FBXO4: variants seen among roughly 807,000 people sequenced by gnomAD.
FBXO4 encodes F-box protein 4.
FBXO4 carries 36 observed loss-of-function variants against 43.7 expected under a neutral mutation model. The observed-to-expected ratio is 0.82, with a 90% CI of 0.63 to 1.09. The LOEUF (loss-of-function observed/expected upper bound fraction) is 1.09, where lower values mean the gene tolerates loss of function less well. Among genes scored for constraint, FBXO4 ranks in the 50% least tolerant of loss-of-function variants. The probability of loss-of-function intolerance (pLI) is 0.00; values close to 1 mark genes in which losing one functional copy is unlikely to be tolerated. For missense variants in FBXO4, 435 were observed against 474.1 expected (o/e 0.92, Z 0.77); for synonymous variants, 180 against 165.6 (o/e 1.09, Z -0.67).
At chr5:42,012,886 C>T in the FBXO4 span, among the ~76,000 whole-genome samples, 1 of 152,280 alleles carries the variant, frequency 6.6e-6, no homozygotes, top group Non-Finnish European at 1.5e-5. Flanking sequence ...CAAAGCAGCA[C>T]TCAGTAACGT....
intron 5 of FBXO4, 123 bp downstream of exon 5, chr5:41,934,431 T>C: frequency 2.6e-6 from 4 of 1,514,278 alleles, no homozygotes; most frequent in South Asian, 2.5e-5. Context: ...TGTGATTTTC[T>C]GACCCTTACT....
At chr5:42,002,267 G>T in the FBXO4 span, among the ~76,000 whole-genome samples, 4 of 152,188 alleles carry the variant, frequency 2.6e-5, no homozygotes, top group Non-Finnish European at 5.9e-5. Context: ...TTCCCAGAGG[G>T]TCGTTGTGCA....
At chr5:42,029,864 G>T in the FBXO4 span, among the ~76,000 whole-genome samples, 1 of 151,760 alleles carries the variant, frequency 6.6e-6, no homozygotes, top group Non-Finnish European at 1.5e-5. Flanking sequence ...TTCCTTCTCT[G>T]TGTTATCTTG....
rs2231916 is a variant in FBXO4 at position 41,925,329 on chromosome 5, G to C, written c.20G>C (p.Arg7Pro). The change falls in exon 1 of 7, where the codon CGC becomes CCC. Residue 7 changes from arginine (R) to proline (P), a missense_variant. Arg to Pro is a moderately radical substitution (Grantham distance 103). Transcript: ENST00000281623. Reference protein sequence around the residue: MAGSEPRSGTNSPPPPF... With the variant: MAGSEPPSGTNSPPPPF... The stretch of plus-strand genomic sequence containing the variant: ...CAAGCCATGGCGGGAAGCGAGCCGC[G>C]CAGCGGAACAAACTCGCCGCCGCCG... The C allele has an allele frequency of 7.4e-6, 10 of 1,346,696 alleles. No individual in the cohort carries two copies. The highest frequency in any genetic ancestry group is 8.1e-5 in the Admixed American group (2 of 24,806). 83.4% of individuals were successfully genotyped at this position (1,346,696 alleles called of 1,614,324 possible).
the FBXO4 span, among the ~76,000 whole-genome samples, chr5:42,016,846 C>A: frequency 2.6e-5 from 4 of 151,934 alleles, no homozygotes; most frequent in East Asian, 7.7e-4. Flanking sequence ...TCAATTTTAT[C>A]CACCAGTGGG....
the FBXO4 span, among the ~76,000 whole-genome samples, chr5:42,025,162 C>G: frequency 6.6e-6 from 1 of 151,902 alleles, no homozygotes; most frequent in East Asian, 1.9e-4. Context: ...TACTAATTTA[C>G]ATTCCTGCTA....
At chr5:41,944,429 G>A (rs925374889), downstream of FBXO4, among the ~76,000 whole-genome samples, 2 of 152,132 alleles carry the variant, frequency 1.3e-5, no homozygotes, top group Admixed American at 1.3e-4. Context: ...TAGCCTGATA[G>A]CACTATAGAA....
the FBXO4 span, among the ~76,000 whole-genome samples, chr5:42,037,956 G>A: frequency 3.9e-5 from 6 of 152,138 alleles, no homozygotes; most frequent in African/African-American, 1.4e-4. Flanking sequence ...CAGTCTTGGT[G>A]TGTTGGTATG....
chr5:41,941,477 C>T lies in FBXO4; in HGVS notation c.*196C>T, dbSNP rs1579989070. On this transcript the variant is annotated 3_prime_UTR_variant, in exon 7 of 7. Transcript: ENST00000281623. The stretch of plus-strand genomic sequence containing the variant: ...CAATTACAAGAAAAGAGTTTCAGTC[C>T]TAGTATTTAGCCCCAAAATGAACCT... 5.5e-6 allele frequency: 2 copies of T among 361,004 alleles called. No homozygotes were observed. Among genetic ancestry groups the T allele is most frequent in the Non-Finnish European group, 1.0e-5 (2 of 197,468 alleles). 22.4% of individuals were successfully genotyped at this position (361,004 alleles called of 1,614,324 possible). A position where few individuals can be genotyped will look rare whatever the true frequency, so the allele number is the denominator to read the frequency against.
the FBXO4 span, among the ~76,000 whole-genome samples, chr5:41,962,457 T>A: frequency 6.6e-6 from 1 of 152,150 alleles, no homozygotes; most frequent in Admixed American, 6.5e-5. Context: ...ACTCCAGCAA[T>A]CCCCCTACAC....
intron 6 of FBXO4, among the ~76,000 whole-genome samples, chr5:41,939,860 T>G (rs1181737501): frequency 7.0e-6 from 1 of 143,466 alleles, no homozygotes; most frequent in East Asian, 2.0e-4. Context: ...TTTTTTTTTT[T>G]TTTTGTTGAG....
the FBXO4 span, among the ~76,000 whole-genome samples, chr5:42,030,402 A>G: frequency 6.6e-6 from 1 of 152,078 alleles, no homozygotes; most frequent in Admixed American, 6.6e-5. Context: ...CTGGCTAGCC[A>G]TATGTAGAAA....
chr5:42,040,042 A>G, the FBXO4 span, among the ~76,000 whole-genome samples: 1 of 152,102 alleles, frequency 6.6e-6, no homozygotes, highest in Non-Finnish European at 1.5e-5. Context: ...GCAGCTTTGT[A>G]AGATCCTGAG....
the FBXO4 span, chr5:41,951,788 T>C: frequency 4.9e-6 from 1 of 205,600 alleles, no homozygotes; most frequent in South Asian, 8.5e-5. Context: ...ATAACATGCC[T>C]CTATGAGAGG....
the FBXO4 span, among the ~76,000 whole-genome samples, chr5:41,995,812 C>A: frequency 2.9e-4 from 44 of 152,310 alleles, 1 homozygote; most frequent in African/African-American, 8.9e-4. Flanking sequence ...CCAGCCAAAC[C>A]ATTCTCTACA....
the FBXO4 span, among the ~76,000 whole-genome samples, chr5:41,966,136 AG>A: frequency 9.2e-5 from 14 of 152,064 alleles, no homozygotes; most frequent in African/African-American, 3.1e-4. Flanking sequence ...ATCACACACC[AG>A]GGCCTGTTGT....
the FBXO4 span, among the ~76,000 whole-genome samples, chr5:41,963,233 T>C: frequency 1.1e-4 from 16 of 151,780 alleles, no homozygotes; most frequent in South Asian, 8.3e-4. Flanking sequence ...ACATAATATA[T>C]ATGCTATATA....
the FBXO4 span, among the ~76,000 whole-genome samples, chr5:41,971,317 T>A: frequency 6.6e-6 from 1 of 151,808 alleles, no homozygotes; most frequent in African/African-American, 2.4e-5. Context: ...ATTAAATTGA[T>A]TTAATTAAAT....
At chr5:41,940,492 C>A (rs1751978227) in intron 6 of FBXO4, among the ~76,000 whole-genome samples, 1 of 151,792 alleles carries the variant, frequency 6.6e-6, no homozygotes, top group South Asian at 2.1e-4. Flanking sequence ...GGATTCCTGG[C>A]TTCAAGTGAT....
Sources: allele counts gnomAD v4.1 joint callset (sites outside exome capture counted in the v4.1 genomes callset), GRCh38; gene constraint gnomAD v4.1.1; transcripts MANE v1.5; gene names NCBI Gene and HGNC (gene_info 2026-07-23, HGNC 2026-07-21).